Variants in ADAMTS3 observed in about 807,000 individuals in gnomAD.
ADAMTS3 encodes the protein ADAM metallopeptidase with thrombospondin type 1 motif 3.
A neutral mutation model predicts 129.0 loss-of-function variants in ADAMTS3; 73 were observed. The observed-to-expected ratio is 0.57, with a 90% CI of 0.47 to 0.69. The LOEUF (loss-of-function observed/expected upper bound fraction) is 0.69. Ranked by LOEUF, ADAMTS3 falls within the 30% of genes least tolerant of loss-of-function variation. The probability of loss-of-function intolerance (pLI) is 0.00; values close to 1 mark genes in which losing one functional copy is unlikely to be tolerated. For missense variants in ADAMTS3, 1,457 were observed against 1,514.5 expected (o/e 0.96, Z 0.63); for synonymous variants, 477 against 510.8 (o/e 0.93, Z 0.89).
Position 72,437,352 on chromosome 4 carries a change from C to G in ADAMTS3, c.505-22381G>C, listed in dbSNP as rs142876487. On this transcript the variant is annotated intron_variant, in intron 3 of 21. Transcript: ENST00000286657. ...TCTGCACTGCTAGAACCACGTACAT[C>G]GAAAATTTATCAACCAACATCCTAA... is the stretch of plus-strand genomic sequence containing the variant. Among the ~76,000 whole-genome samples the G allele has an allele frequency of 2.0e-3, 310 of 151,888 alleles. 3 individuals carry two copies. The highest frequency in any genetic ancestry group is 7.3e-3 in the African/African-American group (301 of 41,510).
chr4:72,338,129 A>G (rs1020204573), intron 5 of ADAMTS3, among the ~76,000 whole-genome samples: 1 of 152,156 alleles, frequency 6.6e-6, no homozygotes, highest in African/African-American at 2.4e-5. Context: ...TTGTATTTAC[A>G]CACTTCATCC....
rs909194121 is a variant in ADAMTS3, at chr4:72,313,919, C to T, written c.1600-97G>A. 8 of 1,370,962 alleles carry T rather than the reference C, an allele frequency of 5.8e-6. No homozygotes were observed. The African/African-American group carries it at 8.7e-5, about 15-fold the overall frequency. 84.9% of individuals were successfully genotyped at this position (1,370,962 alleles called of 1,614,324 possible). ...ATCTAGTTGAAGGGCTTTCTTACTG[C>T]TCTTTTTTCTTCCAGGTGGAGATGC... On this transcript the variant is annotated intron_variant, in intron 11 of 21. Transcript: ENST00000286657.
rs550170973 is a variant in ADAMTS3 at position 72,375,093 on chromosome 4, C to T, written c.662-35400G>A. Among the ~76,000 whole-genome samples the T allele has an allele frequency of 6.6e-5, 10 of 152,246 alleles. 1 individual carries two copies. In the East Asian group the frequency reaches 1.2e-3, roughly 18 times the overall value. ...TCTTAATCTCAATCTTCTTGGCTAC[C>T]TATTTTATTACCAATTCCTCCATTC... On this transcript the variant is annotated intron_variant, in intron 4 of 21. Coordinates refer to ENST00000286657, the MANE Select transcript of ADAMTS3 (RefSeq NM_014243.3).
intron 4 of ADAMTS3, among the ~76,000 whole-genome samples, chr4:72,393,816 A>T (rs1280827822): frequency 6.6e-6 from 1 of 152,226 alleles, no homozygotes; most frequent in Admixed American, 6.5e-5. Context: ...GAAGGTTAAG[A>T]ACAACAGCTC....
chr4:72,330,301 G>T (rs908292902), intron 5 of ADAMTS3, among the ~76,000 whole-genome samples: 3 of 152,060 alleles, frequency 2.0e-5, no homozygotes, highest in African/African-American at 7.2e-5. Flanking sequence ...TTGCAGGCAT[G>T]AATGAGCCAC....
intron 19 of ADAMTS3, among the ~76,000 whole-genome samples, chr4:72,291,619 A>G (rs2109772806): frequency 6.6e-6 from 1 of 151,760 alleles, no homozygotes; most frequent in East Asian, 1.9e-4. Context: ...CATGGTGTAT[A>G]TGTGCCACAT....
intron 13 of ADAMTS3, among the ~76,000 whole-genome samples, 168 bp from the exon 14 acceptor site, chr4:72,311,349 A>G (rs1263638202): frequency 1.4e-5 from 2 of 144,330 alleles, no homozygotes; most frequent in African/African-American, 2.5e-5. Flanking sequence ...TGTACATTTG[A>G]CATTTTTTTT....
intron 3 of ADAMTS3, among the ~76,000 whole-genome samples, chr4:72,506,656 C>T (rs1720166948): frequency 6.6e-6 from 1 of 152,318 alleles, no homozygotes; most frequent in South Asian, 2.1e-4. Flanking sequence ...TAAGCCTCTC[C>T]CTAAGTTACC....
intron 3 of ADAMTS3, among the ~76,000 whole-genome samples, chr4:72,428,106 A>G (rs1722615296): frequency 6.6e-6 from 1 of 151,918 alleles, no homozygotes; most frequent in Admixed American, 6.6e-5. Flanking sequence ...TTACAGGGGG[A>G]AAGGATGGGG....
intron 4 of ADAMTS3, among the ~76,000 whole-genome samples, chr4:72,365,463 G>T (rs747575785): frequency 5.9e-5 from 9 of 152,076 alleles, no homozygotes; most frequent in Non-Finnish European, 1.2e-4. Context: ...TTGTGATTAA[G>T]TTTTTTTGGC....
intron 4 of ADAMTS3, among the ~76,000 whole-genome samples, chr4:72,348,569 C>T (rs1720346472): frequency 1.3e-5 from 2 of 152,140 alleles, no homozygotes; most frequent in East Asian, 1.9e-4. Context: ...GATGAGGTAT[C>T]ATTCCTACGA....
At chr4:72,498,408 T>C (rs947639908) in intron 3 of ADAMTS3, among the ~76,000 whole-genome samples, 3 of 151,810 alleles carry the variant, frequency 2.0e-5, no homozygotes, top group African/African-American at 7.3e-5. Flanking sequence ...ATAGAAGTCA[T>C]AAAAAGAGTT....
At chr4:72,350,616 C>T (rs776941716) in intron 4 of ADAMTS3, among the ~76,000 whole-genome samples, 1 of 151,936 alleles carries the variant, frequency 6.6e-6, no homozygotes, top group Non-Finnish European at 1.5e-5. Context: ...TCGGGTCTTG[C>T]TTGTAAGATT....
At chr4:72,517,490 A>G (rs1029973860) in intron 3 of ADAMTS3, among the ~76,000 whole-genome samples, 5 of 152,146 alleles carry the variant, frequency 3.3e-5, no homozygotes, top group African/African-American at 4.8e-5. Context: ...TTAGTAAGCT[A>G]TTGATTATTG....
chr4:72,330,019 T>C (rs946682088), intron 5 of ADAMTS3, among the ~76,000 whole-genome samples: 2 of 152,138 alleles, frequency 1.3e-5, no homozygotes, highest in Admixed American at 6.6e-5. Flanking sequence ...AGTTTGGTTT[T>C]TTTGTTTGTT....
chr4:72,338,573 A>T (rs1720047177), intron 5 of ADAMTS3, among the ~76,000 whole-genome samples: 1 of 152,086 alleles, frequency 6.6e-6, no homozygotes, highest in Non-Finnish European at 1.5e-5. Flanking sequence ...CATTGCTTGA[A>T]ATCTAATCTT....
chr4:72,398,696 C>T (rs1018057746), intron 4 of ADAMTS3, among the ~76,000 whole-genome samples: 1 of 152,192 alleles, frequency 6.6e-6, no homozygotes, highest in Non-Finnish European at 1.5e-5. Flanking sequence ...GACTCATGCA[C>T]ATCTTTATGA....
intron 21 of ADAMTS3, among the ~76,000 whole-genome samples, chr4:72,285,375 G>C (rs1718477043): frequency 6.6e-6 from 1 of 151,910 alleles, no homozygotes; most frequent in African/African-American, 2.4e-5. Flanking sequence ...TCTCATGTGT[G>C]AATTTTTTTT....
chr4:72,305,837 C>G (rs1194955184), intron 16 of ADAMTS3, 150 bp downstream of exon 16: 1 of 679,642 alleles, frequency 1.5e-6, no homozygotes, highest in South Asian at 1.8e-5. Flanking sequence ...TATACGTATG[C>G]ACATGTACGT....
Sources: gnomAD v4.1 joint callset for allele counts (sites outside exome capture counted in the v4.1 genomes callset) on GRCh38, gnomAD v4.1.1 for gene constraint, MANE v1.5 for transcripts, NCBI Gene and HGNC (gene_info 2026-07-23, HGNC 2026-07-21) for gene names.